IQGAP3: variants seen among roughly 807,000 people sequenced by gnomAD.
IQGAP3 encodes the protein IQ motif containing GTPase activating protein 3.
Under a neutral mutation model 208.2 loss-of-function variants are expected in IQGAP3, and 165 were observed. That is an observed-to-expected ratio of 0.79 (90% CI 0.70 to 0.90). The LOEUF is 0.90. IQGAP3 is among the 40% of genes least tolerant of loss of function. IQGAP3 has a pLI of 0.00. For synonymous variants in IQGAP3, 703 were observed against 803.6 expected, an observed-to-expected ratio of 0.87 and a Z score of 2.12; for missense variants, 1,811 against 2,043.1, an observed-to-expected ratio of 0.89 and a Z score of 2.19.
In IQGAP3 at chr1:156,563,563, A is replaced by T; in HGVS notation, c.609T>A (p.Asp203Glu). The change falls in exon 7 of 38, where the codon GAT becomes GAA. Residue 203 changes from aspartate to glutamate, a missense_variant. Asp to Glu is a conservative substitution (Grantham distance 45). Transcript: ENST00000361170. ...GGILANELSV[D>E]EAAVHAAVLA... ...GAGCCTAGTCCTTACCTGCAGCCTCATCCACCGAGAGCTCATTGGCCAAGA... is the reference window on the plus strand; with the variant it reads ...GAGCCTAGTCCTTACCTGCAGCCTCTTCCACCGAGAGCTCATTGGCCAAGA... 1 of 1,612,844 alleles carries T rather than the reference A, an allele frequency of 6.2e-7. No individual in the cohort carries two copies.
intron 20 of IQGAP3, 65 bp from the exon 21 acceptor site, chr1:156,544,288 A>G (rs1375590208): frequency 3.7e-5 from 58 of 1,583,208 alleles, no homozygotes; most frequent in Non-Finnish European, 4.8e-5. Flanking sequence ...TCTCAGGCCA[A>G]TTCAGCTAAA....
chr1:156,539,973 G>T lies in IQGAP3; in HGVS notation c.2757C>A (p.Cys919Ter), dbSNP rs781199766. The change falls in exon 24 of 38, where the codon TGC becomes TGA. Residue 919 changes from cysteine to a stop codon, truncating the protein, a stop_gained. Transcript: ENST00000361170. LOFTEE classifies it high-confidence loss of function. Reference sequence around the variant, plus strand: ...CCTTATTCCTCTTGGTCAGCTTCTTGCAGTGGGAGACCACTTCCTGCAGGG... The same window carrying T: ...CCTTATTCCTCTTGGTCAGCTTCTTTCAGTGGGAGACCACTTCCTGCAGGG... ...RITLQEVVSH[C>*]KKLTKRNKEQ... 6.2e-7 allele frequency: 1 copy of T among 1,614,052 alleles called. No homozygotes were observed. The highest frequency in any genetic ancestry group is 8.5e-7 in the Non-Finnish European group (1 of 1,180,010).
chr1:156,559,739 T>C (rs1016855768), intron 11 of IQGAP3, among the ~76,000 whole-genome samples: 10 of 152,072 alleles, frequency 6.6e-5, no homozygotes, highest in Non-Finnish European at 1.5e-5. Flanking sequence ...CTAGGGAGAA[T>C]AGATTGTTTG....
At chr1:156,561,149 C>G in intron 10 of IQGAP3, 128 bp from the exon 11 acceptor site, 1 of 629,954 alleles carries the variant, frequency 1.6e-6, no homozygotes, top group South Asian at 1.8e-5. Context: ...CTCCGTTAGG[C>G]TGGCTCACTC....
intron 26 of IQGAP3, 81 bp downstream of exon 26, chr1:156,538,728 G>A: frequency 8.3e-7 from 1 of 1,202,336 alleles, no homozygotes; most frequent in East Asian, 2.4e-5. Context: ...GTACACCCAA[G>A]CTTCCCCAGT....
intron 11 of IQGAP3, 119 bp downstream of exon 11, chr1:156,560,814 GC>G: frequency 1.5e-6 from 1 of 665,312 alleles, no homozygotes; most frequent in South Asian, 1.9e-5. Flanking sequence ...GAAGTTCCTA[GC>G]CAGGCTGGAA....
At position 156,528,514 on chromosome 1, in the gene IQGAP3, G is replaced by A; in HGVS notation, c.4668C>T (p.Ala1556=). Residue 1556 remains alanine (A), a synonymous_variant, in exon 36 of 38, where the codon GCC becomes GCT. Transcript: ENST00000361170. ...GVLVEIEDLP[A]SHFRNVIFDI... ...TGCCCTCCAAAGACACATACTGAGA[G>A]GCGGGAAGATCTTCAATTTCCACCA... The A allele has an allele frequency of 6.2e-7, 1 of 1,612,178 alleles. No individual in the cohort carries two copies. Among genetic ancestry groups the A allele is most frequent in the Non-Finnish European group, 8.5e-7 (1 of 1,178,352 alleles).
At chr1:156,527,074 GC>G (rs1408735076) in intron 37 of IQGAP3, among the ~76,000 whole-genome samples, 4 of 150,892 alleles carry the variant, frequency 2.7e-5, no homozygotes, top group Admixed American at 1.3e-4. Flanking sequence ...CTCGTGATCC[GC>G]CCGCCTCGGC....
rs867309524 is a variant in IQGAP3 at position 156,528,703 on chromosome 1, G to A, written c.4572-93C>T. The A allele has an allele frequency of 6.7e-5, 77 of 1,146,706 alleles. No homozygotes were observed. The Middle Eastern group carries it at 3.4e-3, about 50-fold the overall frequency. The allele number at this position is 1,146,706 out of a possible 1,614,324, so 71.0% of individuals were successfully genotyped here. A position where few individuals can be genotyped will look rare whatever the true frequency, so the allele number is the denominator to read the frequency against. ...GTGGCTGGAAAGGAAATGAGACCCC[G>A]AGGAAGACTTCTCACTGATGGAAGA... On this transcript the variant is annotated intron_variant, in intron 35 of 37. Coordinates refer to ENST00000361170, the MANE Select transcript of IQGAP3 (RefSeq NM_178229.5).
Position 156,534,084 on chromosome 1 carries a change from G to A in IQGAP3, c.3798C>T (p.Asp1266=), listed in dbSNP as rs34620734. 331 of 1,613,996 alleles carry A rather than the reference G, an allele frequency of 2.1e-4. No individual in the cohort carries two copies. In the Middle Eastern group the frequency reaches 2.1e-3, roughly 10 times the overall value. Residue 1266 remains aspartate (D), a synonymous_variant, in exon 30 of 38, where the codon GAC becomes GAT. Coordinates refer to ENST00000361170, the MANE Select transcript of IQGAP3 (RefSeq NM_178229.5). ...VPEPEERFAV[D]EYSDMVAVAK... is the part of the protein sequence containing the mutation. Reference sequence around the variant, plus strand: ...CCACAGCCACCATGTCTGAGTACTCGTCCACTGCAAAACGCTCCTCTGGCT... The same window carrying A: ...CCACAGCCACCATGTCTGAGTACTCATCCACTGCAAAACGCTCCTCTGGCT...
In IQGAP3 at chr1:156,559,864, C is replaced by T. The variant is rs1373307861; in HGVS notation, c.1129+1070G>A. 3.9e-5 allele frequency among the ~76,000 whole-genome samples: 6 copies of T among 152,278 alleles called. No individual in the cohort carries two copies. In the South Asian group the frequency reaches 6.2e-4, roughly 16 times the overall value. On this transcript the variant is annotated intron_variant, in intron 11 of 37. Coordinates refer to ENST00000361170, the MANE Select transcript of IQGAP3 (RefSeq NM_178229.5). ...GTGTGGGCTAAATAATGGAAGAACCCATGAAGGTCTGAAGATGTTCAACAA... is the reference window on the plus strand; with the variant it reads ...GTGTGGGCTAAATAATGGAAGAACCTATGAAGGTCTGAAGATGTTCAACAA...
In IQGAP3 at chr1:156,565,574, G is replaced by A. The variant is rs528648158; in HGVS notation, c.360+453C>T. 5.3e-5 allele frequency among the ~76,000 whole-genome samples: 8 copies of A among 152,270 alleles called. No homozygotes were observed. In the South Asian group the frequency reaches 1.7e-3, roughly 32 times the overall value. On this transcript the variant is annotated intron_variant, in intron 4 of 37. Coordinates refer to ENST00000361170, the MANE Select transcript of IQGAP3 (RefSeq NM_178229.5). Reference sequence around the variant, plus strand: ...CCTGACAACACTGTAAGGTAGACAGGGCAGGGCTCACTATCCCCATTTTAC... The same window carrying A: ...CCTGACAACACTGTAAGGTAGACAGAGCAGGGCTCACTATCCCCATTTTAC...
chr1:156,569,651 T>C (rs1275829718), intron 1 of IQGAP3, among the ~76,000 whole-genome samples, 188 bp from the exon 2 acceptor site: 2 of 149,152 alleles, frequency 1.3e-5, no homozygotes, highest in Non-Finnish European at 1.5e-5. Flanking sequence ...CCCGAGTAGC[T>C]GGGACTACAG....
At chr1:156,562,108 C>T in intron 9 of IQGAP3, 107 bp from the exon 10 acceptor site, 1 of 1,022,564 alleles carries the variant, frequency 9.8e-7, no homozygotes, top group Non-Finnish European at 1.4e-6. Context: ...GGAATTACCC[C>T]CACCCTTTCC....
rs1249983295 is a variant in IQGAP3 at position 156,539,861 on chromosome 1, G to C, written c.2869C>G (p.Gln957Glu). ...KEKRQKLEAY[Q>E]HLFYLLQTQP... Reference sequence around the variant, plus strand: ...ACCTGGAGCAGGTAGAAGAGGTGTTGGTATGCTTCTAGTTTCTGCCGTTTC... The same window carrying C: ...ACCTGGAGCAGGTAGAAGAGGTGTTCGTATGCTTCTAGTTTCTGCCGTTTC... The change falls in exon 24 of 38, where the codon CAA becomes GAA. Residue 957 changes from glutamine (Q) to glutamate (E), a missense_variant. Transcript: ENST00000361170. The C allele has an allele frequency of 6.2e-7, 1 of 1,614,088 alleles. No individual in the cohort carries two copies. Among genetic ancestry groups the C allele is most frequent in the South Asian group, 1.1e-5 (1 of 91,086 alleles).
At chr1:156,554,840 T>C (rs1235216934) in intron 12 of IQGAP3, among the ~76,000 whole-genome samples, 2 of 152,164 alleles carry the variant, frequency 1.3e-5, no homozygotes, top group African/African-American at 2.4e-5. Context: ...ACAGATCGCT[T>C]GAGCTCAGGA....
chr1:156,540,683 AG>A (rs1249504199), intron 23 of IQGAP3, 24 bp downstream of exon 23: 1 of 1,585,180 alleles, frequency 6.3e-7, no homozygotes, highest in East Asian at 2.3e-5. Flanking sequence ...GATCTCGGGG[AG>A]GGGAGGACTG....
chr1:156,533,166 CAT>C lies in IQGAP3; in HGVS notation c.3977-62_3977-61del. 3.2e-6 allele frequency: 5 copies of C among 1,584,098 alleles called. No individual in the cohort carries two copies. The African/African-American group carries it at 4.0e-5, about 13-fold the overall frequency. ...ATACACACACACATGCGCACACACACATACACACACACACATGCACCGATGGG... is the reference window on the plus strand; with the variant it reads ...ATACACACACACATGCGCACACACACACACACACACACATGCACCGATGGG... On this transcript the variant is annotated intron_variant, in intron 31 of 37. Transcript: ENST00000361170.
At position 156,530,248 on chromosome 1, in the gene IQGAP3, G is replaced by A. The variant is rs751036559; in HGVS notation, c.4261C>T (p.Arg1421Ter). The stretch of plus-strand genomic sequence containing the variant: ...GAGTGAGCTGTCAGTGAGCGGTGTC[G>A]TCGCAGTGGCTCCGGTGTCTGGGCT... The part of the protein sequence containing the change: ...CTAQTPEPLR[R>*]HRSLTAHSLL... The change falls in exon 34 of 38, where the codon CGA becomes TGA. Residue 1421 changes from arginine to a stop codon, truncating the protein, a stop_gained. Transcript: ENST00000361170. LOFTEE classifies it high-confidence loss of function. 2 of 1,612,784 alleles carry A rather than the reference G, an allele frequency of 1.2e-6. No individual in the cohort carries two copies. The highest frequency in any genetic ancestry group is 2.7e-5 in the African/African-American group (2 of 74,916).
Sources: gnomAD v4.1 joint callset for allele counts (sites outside exome capture counted in the v4.1 genomes callset) on GRCh38, gnomAD v4.1.1 for gene constraint, MANE v1.5 for transcripts, NCBI Gene and HGNC (gene_info 2026-07-23, HGNC 2026-07-21) for gene names.